Variants in B3GALT5 observed in about 807,000 individuals in gnomAD.
B3GALT5 encodes the protein UDP-Gal:betaGlcNAc beta 1,3-galactosyltransferase, polypeptide 5.
For missense variants in B3GALT5, 328 were observed against 396.6 expected, an observed-to-expected ratio of 0.83 and a Z score of 1.47; for synonymous variants, 156 against 158.6, an observed-to-expected ratio of 0.98 and a Z score of 0.12.
chr21:39,646,865 C>T (rs183579794), intron 2 of B3GALT5, among the ~76,000 whole-genome samples: 6 of 152,080 alleles, frequency 3.9e-5, no homozygotes, highest in East Asian at 1.9e-4. Flanking sequence ...CTTTGGGAGA[C>T]GGAGGTAGGT....
At chr21:39,616,377 T>G (rs1435505463) in intron 1 of B3GALT5, among the ~76,000 whole-genome samples, 2 of 152,214 alleles carry the variant, frequency 1.3e-5, no homozygotes, top group Non-Finnish European at 2.9e-5. Context: ...TCCTTGTCAT[T>G]GCTTGTGGCT....
rs2079538150 is a variant in B3GALT5, at chr21:39,662,479, T to C, written c.*987T>C. On this transcript the variant is annotated 3_prime_UTR_variant, in exon 4 of 4. Transcript: ENST00000684187. ...GAGCTTTCTGGGAATTCAGTTGGAGTCAAGTCAGGATGCTCTCAAGGACCC... is the reference window on the plus strand; with the variant it reads ...GAGCTTTCTGGGAATTCAGTTGGAGCCAAGTCAGGATGCTCTCAAGGACCC... 6.0e-6 allele frequency: 1 copy of C among 166,988 alleles called. No homozygotes were observed. Among genetic ancestry groups the C allele is most frequent in the African/African-American group, 2.4e-5 (1 of 41,380 alleles). The allele number at this position is 166,988 out of a possible 1,614,324, so 10.3% of individuals were successfully genotyped here.
Position 39,668,625 on chromosome 21 carries a change from G to T in B3GALT5, c.*7133G>T, listed in dbSNP as rs563852779. 9.8e-5 allele frequency: 15 copies of T among 152,326 alleles called. No homozygotes were observed. Among genetic ancestry groups the T allele is most frequent in the African/African-American group, 3.4e-4 (14 of 41,562 alleles). The allele number at this position is 152,326 out of a possible 1,614,324, so 9.4% of individuals were successfully genotyped here. A position where few individuals can be genotyped will look rare whatever the true frequency, so the allele number is the denominator to read the frequency against. On this transcript the variant is annotated 3_prime_UTR_variant, in exon 4 of 4. Transcript: ENST00000684187. The stretch of plus-strand genomic sequence containing the variant: ...ATATGCATGCGGGAGGGACAAGCTT[G>T]CATGGCACCCAGCTGTGGTACATTT...
intron 1 of B3GALT5, among the ~76,000 whole-genome samples, chr21:39,639,348 TTCC>T (rs1364010787): frequency 3.4e-5 from 3 of 88,784 alleles, no homozygotes; most frequent in African/African-American, 9.2e-5. Flanking sequence ...CTTTCTTTCT[TTCC>T]TTCCTTCCTT....
intron 2 of B3GALT5, among the ~76,000 whole-genome samples, chr21:39,658,543 C>G (rs1281842274): frequency 1.3e-5 from 2 of 151,958 alleles, no homozygotes; most frequent in Non-Finnish European, 2.9e-5. Flanking sequence ...CCCCAACCCC[C>G]CTAATCAGCT....
intron 2 of B3GALT5, among the ~76,000 whole-genome samples, chr21:39,648,365 C>A (rs756017604): frequency 6.6e-6 from 1 of 152,158 alleles, no homozygotes; most frequent in Non-Finnish European, 1.5e-5. Context: ...GGGGACAGGA[C>A]AGAGCCTGAA....
intron 1 of B3GALT5, among the ~76,000 whole-genome samples, chr21:39,617,358 G>A (rs2079112092): frequency 2.6e-5 from 4 of 152,190 alleles, no homozygotes; most frequent in Admixed American, 6.5e-5. Context: ...AATTTATAAA[G>A]GAAAGAGGTT....
chr21:39,616,759 G>A (rs1017788791), intron 1 of B3GALT5, among the ~76,000 whole-genome samples: 13 of 152,144 alleles, frequency 8.5e-5, no homozygotes, highest in African/African-American at 2.9e-4. Flanking sequence ...AGGAGCAGAA[G>A]CAGTGGGAAT....
intron 1 of B3GALT5, 62 bp downstream of exon 1, chr21:39,613,129 C>A: frequency 6.7e-6 from 1 of 149,162 alleles, no homozygotes; most frequent in South Asian, 1.8e-4. Flanking sequence ...GGGGCCGGGT[C>A]CTGCGGCGCG....
At chr21:39,649,133 C>G (rs2079370018) in intron 2 of B3GALT5, among the ~76,000 whole-genome samples, 1 of 152,154 alleles carries the variant, frequency 6.6e-6, no homozygotes, top group East Asian at 1.9e-4. Flanking sequence ...GCTTTTCTCC[C>G]CAGTCACTTG....
chr21:39,638,009 A>G (rs780233620), intron 1 of B3GALT5, among the ~76,000 whole-genome samples: 6 of 152,174 alleles, frequency 3.9e-5, no homozygotes, highest in Admixed American at 6.5e-5. Flanking sequence ...TCCACTTGTC[A>G]TAATGTCCTT....
intron 2 of B3GALT5, among the ~76,000 whole-genome samples, chr21:39,647,941 G>A (rs1284791534): frequency 3.3e-5 from 5 of 152,200 alleles, no homozygotes; most frequent in Admixed American, 3.3e-4. Context: ...ATTTTCTAAT[G>A]TGGTTGGTTG....
At chr21:39,620,051 C>T (rs2079126466) in intron 1 of B3GALT5, among the ~76,000 whole-genome samples, 1 of 152,194 alleles carries the variant, frequency 6.6e-6, no homozygotes, top group Non-Finnish European at 1.5e-5. Flanking sequence ...GTCTCGAACC[C>T]CTGGCCTCAA....
At chr21:39,613,320 C>T (rs760112988) in intron 1 of B3GALT5, among the ~76,000 whole-genome samples, 1 of 152,234 alleles carries the variant, frequency 6.6e-6, no homozygotes, top group Non-Finnish European at 1.5e-5. Context: ...TCACGCCACG[C>T]CCCGAGGAAG....
chr21:39,659,391 G>C (rs566618171), intron 2 of B3GALT5, among the ~76,000 whole-genome samples: 1 of 152,292 alleles, frequency 6.6e-6, no homozygotes, highest in South Asian at 2.1e-4. Context: ...TATTCTCTGT[G>C]TTAAATTCTC....
chr21:39,625,430 C>T (rs574859400), intron 1 of B3GALT5, among the ~76,000 whole-genome samples: 26 of 152,298 alleles, frequency 1.7e-4, no homozygotes, highest in Middle Eastern at 3.4e-3. Context: ...GTGTGTTCCT[C>T]GCAAGCTTGA....
chr21:39,614,256 A>T (rs1239225886), intron 1 of B3GALT5, among the ~76,000 whole-genome samples: 5 of 152,128 alleles, frequency 3.3e-5, no homozygotes, highest in Non-Finnish European at 7.4e-5. Flanking sequence ...GAATGATTGC[A>T]TGTGTATTAA....
At chr21:39,639,807 T>C (rs2079275493) in intron 1 of B3GALT5, among the ~76,000 whole-genome samples, 1 of 151,998 alleles carries the variant, frequency 6.6e-6, no homozygotes, top group South Asian at 2.1e-4. Flanking sequence ...TCTAAGTCAC[T>C]GGCCCCTGCA....
At position 39,669,098 on chromosome 21, in the gene B3GALT5, T is replaced by C. The variant is rs2079604703; in HGVS notation, c.*7606T>C. On this transcript the variant is annotated 3_prime_UTR_variant, in exon 4 of 4. Coordinates refer to ENST00000684187, the MANE Select transcript of B3GALT5 (RefSeq NM_001356336.2). Reference sequence around the variant, plus strand: ...TGTAGGGCTTTGTTTCAGCTCTTGTTCTTTTTCTTCATTTGAATCTTTCCT... The same window carrying C: ...TGTAGGGCTTTGTTTCAGCTCTTGTCCTTTTTCTTCATTTGAATCTTTCCT... 1 of 152,268 alleles carries C rather than the reference T, an allele frequency of 6.6e-6. No homozygotes were observed. The highest frequency in any genetic ancestry group is 2.1e-4 in the South Asian group (1 of 4,830). The allele number at this position is 152,268 out of a possible 1,614,324, so 9.4% of individuals were successfully genotyped here.
Sources: gnomAD v4.1 joint callset for allele counts (sites outside exome capture counted in the v4.1 genomes callset) on GRCh38, gnomAD v4.1.1 for gene constraint, MANE v1.5 for transcripts, NCBI Gene and HGNC (gene_info 2026-07-23, HGNC 2026-07-21) for gene names.